The following NOMO2 variants were observed in gnomAD, a reference collection of about 807,000 sequenced individuals.
NOMO2 encodes BOS complex subunit NOMO2.
A neutral mutation model predicts 67.1 loss-of-function variants in NOMO2; 14 were observed. That is an observed-to-expected ratio of 0.21 (90% CI 0.14 to 0.33). The LOEUF (loss-of-function observed/expected upper bound fraction) is 0.33. NOMO2 is among the 10% of genes least tolerant of loss of function. The probability of loss-of-function intolerance (pLI) is 1.00; values close to 1 mark genes in which losing one functional copy is unlikely to be tolerated. For synonymous variants in NOMO2, 80 were observed against 305.9 expected, an observed-to-expected ratio of 0.26 and a Z score of 7.71; for missense variants, 178 against 761.0, an observed-to-expected ratio of 0.23 and a Z score of 9.01.
intron 11 of NOMO2, among the ~76,000 whole-genome samples, chr16:18,537,013 A>G (rs1448603238): frequency 4.0e-5 from 6 of 151,860 alleles, no homozygotes; most frequent in Admixed American, 2.6e-4. Flanking sequence ...CTTAGCTCCT[A>G]TGACCTCACG....
rs144940062 is a variant in NOMO2, at chr16:18,528,650, G to A, written c.1806+851C>T. The stretch of plus-strand genomic sequence containing the variant: ...TCCTGTTTACAGCTTCTTCCCCTGC[G>A]CTGGAACAAATACACCAGAGAAGGT... On this transcript the variant is annotated intron_variant, in intron 15 of 30. Transcript: ENST00000622306. Among the ~76,000 whole-genome samples, 914 of 151,286 alleles carry A rather than the reference G, an allele frequency of 6.0e-3. 4 individuals carry two copies. Among genetic ancestry groups the A allele is most frequent in the African/African-American group, 0.018 (739 of 40,998 alleles).
At chr16:18,558,320 C>T (rs1206062364) in intron 1 of NOMO2, among the ~76,000 whole-genome samples, 1 of 124,196 alleles carries the variant, frequency 8.1e-6, no homozygotes, top group African/African-American at 3.0e-5. Context: ...GTCCCAGGTA[C>T]TTGGGAGGCT....
At chr16:18,535,590 A>C (rs1596849685) in intron 11 of NOMO2, among the ~76,000 whole-genome samples, 2 of 151,868 alleles carry the variant, frequency 1.3e-5, no homozygotes, top group East Asian at 3.9e-4. Context: ...CATGTGACCT[A>C]CCAAATCCAT....
intron 13 of NOMO2, 90 bp downstream of exon 13, chr16:18,531,376 A>G: frequency 6.2e-7 from 1 of 1,609,206 alleles, no homozygotes; most frequent in Admixed American, 1.7e-5. Context: ...GTAGCAAACA[A>G]CAAAGGCAAA....
chr16:18,528,296 G>A (rs916119879), intron 15 of NOMO2, among the ~76,000 whole-genome samples: 6 of 151,188 alleles, frequency 4.0e-5, no homozygotes, highest in African/African-American at 1.5e-4. Flanking sequence ...TATTACAAGA[G>A]AGCTGGAAAT....
intron 1 of NOMO2, 73 bp from the exon 2 acceptor site, chr16:18,557,864 T>C: frequency 6.3e-7 from 1 of 1,588,492 alleles, no homozygotes; most frequent in African/African-American, 1.3e-5. Flanking sequence ...TACACCTGAA[T>C]GCACTCAGTC....
In NOMO2 at chr16:18,522,557, CT is replaced by C. The variant is rs1333612629; in HGVS notation, c.2054+1286del. ...TTGCTAGTCCTATCAGTAATTCATA[CT>C]TTCCAAGCAGGGAGACAGTAAATGA... On this transcript the variant is annotated intron_variant, in intron 18 of 30. Coordinates refer to ENST00000622306, the MANE Select transcript of NOMO2 (RefSeq NM_173614.4). Among the ~76,000 whole-genome samples, 2 of 122,280 alleles carry C rather than the reference CT, an allele frequency of 1.6e-5. 1 individual carries two copies. Among genetic ancestry groups the C allele is most frequent in the Non-Finnish European group, 3.8e-5 (2 of 52,520 alleles). 80.2% of individuals were successfully genotyped at this position (122,280 alleles called of 152,430 possible).
chr16:18,559,390 T>C (rs1052573584), intron 1 of NOMO2, among the ~76,000 whole-genome samples: 1 of 151,726 alleles, frequency 6.6e-6, no homozygotes, highest in Non-Finnish European at 1.5e-5. Context: ...ACCTCCAAAA[T>C]GTTAATGCTC....
intron 2 of NOMO2, 130 bp downstream of exon 2, chr16:18,557,572 A>G (rs1901936918): frequency 6.3e-7 from 1 of 1,597,310 alleles, no homozygotes; most frequent in Non-Finnish European, 8.6e-7. Context: ...TGTGACTAGG[A>G]TTATCATATT....
chr16:18,538,706 T>G, intron 10 of NOMO2, 30 bp from the exon 11 acceptor site: 1 of 1,613,650 alleles, frequency 6.2e-7, no homozygotes, highest in Non-Finnish European at 8.5e-7. Flanking sequence ...AAACAGAAGA[T>G]AAGCCAAAAA....
At chr16:18,531,673 C>T (rs552756580) in intron 12 of NOMO2, 66 bp from the exon 13 acceptor site, 63 of 1,601,664 alleles carry the variant, frequency 3.9e-5, no homozygotes, top group African/African-American at 2.5e-4. Flanking sequence ...ACCTACAGGG[C>T]GCTAGAACAT....
intron 6 of NOMO2, among the ~76,000 whole-genome samples, chr16:18,545,196 A>G (rs1901639257): frequency 6.7e-6 from 1 of 149,238 alleles, no homozygotes; most frequent in Non-Finnish European, 1.5e-5. Context: ...CCCAGGTTCA[A>G]GCGATTCTCC....
chr16:18,526,012 C>T (rs1458894418), intron 16 of NOMO2, among the ~76,000 whole-genome samples: 1 of 152,034 alleles, frequency 6.6e-6, no homozygotes. Flanking sequence ...GCCGATGGCA[C>T]TGCTGTATGG....
chr16:18,555,852 A>G (rs1596862341), intron 2 of NOMO2, among the ~76,000 whole-genome samples: 1 of 82,562 alleles, frequency 1.2e-5, no homozygotes, highest in Non-Finnish European at 2.5e-5. Context: ...CAGGCGATCC[A>G]CCTGCCTCAA....
rs1901395965 is a variant in NOMO2, at chr16:18,535,403, G to A, written c.1221-2224C>T. Among the ~76,000 whole-genome samples, 3 of 149,746 alleles carry A rather than the reference G, an allele frequency of 2.0e-5. No individual in the cohort carries two copies. In the South Asian group the frequency reaches 6.5e-4, roughly 32 times the overall value. ...ACTACGTCGGCCAATAAAAAAAAGAGATTTTCCAAAAATGTTCAACAAATG... is the reference window on the plus strand; with the variant it reads ...ACTACGTCGGCCAATAAAAAAAAGAAATTTTCCAAAAATGTTCAACAAATG... On this transcript the variant is annotated intron_variant, in intron 11 of 30. Transcript: ENST00000622306.
At chr16:18,520,438 T>A (rs1156303903) in intron 20 of NOMO2, among the ~76,000 whole-genome samples, 159 bp downstream of exon 20, 3 of 150,080 alleles carry the variant, frequency 2.0e-5, no homozygotes, top group Non-Finnish European at 4.4e-5. Context: ...CATCCATCCA[T>A]CCATCCATCC....
chr16:18,536,476 A>G (rs551531169), intron 11 of NOMO2, among the ~76,000 whole-genome samples: 2 of 151,946 alleles, frequency 1.3e-5, no homozygotes, highest in East Asian at 3.9e-4. Flanking sequence ...TTTAATTTTT[A>G]TCTCTTTATT....
At chr16:18,561,173 T>TAAAAA (rs756246897) in intron 1 of NOMO2, among the ~76,000 whole-genome samples, 454 of 32,370 alleles carry the variant, frequency 0.014, 29 homozygotes, top group Middle Eastern at 0.062. Context: ...ACAACTTAAT[T>TAAAAA]AAAAAAAAAA....
In NOMO2 at chr16:18,544,814, A is replaced by G. The variant is rs1158004436; in HGVS notation, c.583-1045T>C. On this transcript the variant is annotated intron_variant, in intron 6 of 30. Coordinates refer to ENST00000622306, the MANE Select transcript of NOMO2 (RefSeq NM_173614.4). ...TGTTAAGGTACAATAAACACAGAGAAAAGTGTACAGATTCTAAGCACGCAG... is the reference window on the plus strand; with the variant it reads ...TGTTAAGGTACAATAAACACAGAGAGAAGTGTACAGATTCTAAGCACGCAG... 2.0e-5 allele frequency among the ~76,000 whole-genome samples: 3 copies of G among 151,724 alleles called. No individual in the cohort carries two copies. In the East Asian group the frequency reaches 5.8e-4, roughly 29 times the overall value.
Sources: allele counts gnomAD v4.1 joint callset (sites outside exome capture counted in the v4.1 genomes callset), GRCh38; gene constraint gnomAD v4.1.1; transcripts MANE v1.5; gene names NCBI Gene and HGNC (gene_info 2026-07-23, HGNC 2026-07-21).